SH3GL1: variants seen among roughly 807,000 people sequenced by gnomAD.
SH3GL1 encodes the protein endophilin-A2.
SH3GL1 carries 21 observed loss-of-function variants against 48.8 expected under a neutral mutation model. The ratio of observed to expected loss-of-function variants is 0.43; its 90% confidence interval spans 0.30 to 0.62. The LOEUF is 0.62. Ranked by LOEUF, SH3GL1 falls within the 20% of genes least tolerant of loss-of-function variation. The pLI, the probability that SH3GL1 is intolerant of heterozygous loss-of-function variation, is 0.11. For missense variants in SH3GL1, 454 were observed against 503.0 expected (o/e 0.90, Z 0.93); for synonymous variants, 282 against 217.5 (o/e 1.30, Z -2.61).
At chr19:4,377,777 C>A (rs1599606266) in intron 1 of SH3GL1, among the ~76,000 whole-genome samples, 1 of 152,340 alleles carries the variant, frequency 6.6e-6, no homozygotes, top group Non-Finnish European at 1.5e-5. Flanking sequence ...TGGTGGAAAC[C>A]CGGGCTGGGA....
chr19:4,362,891 T>G (rs1972662967), intron 7 of SH3GL1, among the ~76,000 whole-genome samples, 155 bp from the exon 8 acceptor site: 2 of 152,136 alleles, frequency 1.3e-5, no homozygotes, highest in African/African-American at 2.4e-5. Context: ...ACAGCTAGAC[T>G]GGGATGTCTA....
chr19:4,397,638 C>G (rs1427796938), intron 1 of SH3GL1, among the ~76,000 whole-genome samples: 1 of 152,194 alleles, frequency 6.6e-6, no homozygotes, highest in Non-Finnish European at 1.5e-5. Context: ...TCTAACCAAG[C>G]AGGTGAAGGT....
intron 5 of SH3GL1, 79 bp downstream of exon 5, chr19:4,364,009 G>C (rs762657527): frequency 5.6e-6 from 9 of 1,606,150 alleles, no homozygotes; most frequent in Non-Finnish European, 7.7e-6. Flanking sequence ...GCCGAGGCTG[G>C]AGGTGAGGGT....
chr19:4,382,930 T>C (rs1973165026), intron 1 of SH3GL1, among the ~76,000 whole-genome samples: 1 of 152,148 alleles, frequency 6.6e-6, no homozygotes, highest in African/African-American at 2.4e-5. Flanking sequence ...TTTCATTTTT[T>C]CTTTTTGAGA....
intron 1 of SH3GL1, among the ~76,000 whole-genome samples, chr19:4,396,489 C>CTT (rs979250907): frequency 6.8e-6 from 1 of 146,544 alleles, no homozygotes; most frequent in African/African-American, 2.5e-5. Context: ...TTATATTTTA[C>CTT]TTTTTTTTTT....
intron 1 of SH3GL1, among the ~76,000 whole-genome samples, chr19:4,371,989 T>C (rs180696880): frequency 1.3e-5 from 2 of 152,316 alleles, no homozygotes; most frequent in African/African-American, 4.8e-5. Flanking sequence ...TTTTTTTTTC[T>C]TTTTAAAGAG....
rs1973014718 is a variant in SH3GL1, at chr19:4,376,640, C to A, written c.46-9646G>T. 6.6e-6 allele frequency among the ~76,000 whole-genome samples: 1 copy of A among 152,076 alleles called. No individual in the cohort carries two copies. The highest frequency in any genetic ancestry group is 2.1e-4 in the South Asian group (1 of 4,826). On this transcript the variant is annotated intron_variant, in intron 1 of 9. Coordinates refer to ENST00000269886, the MANE Select transcript of SH3GL1 (RefSeq NM_003025.4). This position sits in a 1 kb window ranked among gnomAD's most constrained non-coding sequence, Gnocchi z 4.3. ...ACCCCCATCTGCCTGGGCGGCCCCC[C>A]CATCTCCCCTCAGAGCTTTTGCTCT...
Position 4,362,646 on chromosome 19 carries a change from C to T in SH3GL1, c.819G>A (p.Gly273=), listed in dbSNP as rs372824159. ...TGGGGGCTGTGGTGCAGGGGAAGCC[C>T]CCGTTGGACTGCTCAGGCTCTCCAA... is the stretch of plus-strand genomic sequence containing the variant. The part of the protein sequence containing the change: ...FDLGEPEQSN[G]GFPCTTAPKI... Residue 273 remains glycine (G), a synonymous_variant, in exon 8 of 10, where the codon GGG becomes GGA. Coordinates refer to ENST00000269886, the MANE Select transcript of SH3GL1 (RefSeq NM_003025.4). 33 of 1,613,898 alleles carry T rather than the reference C, an allele frequency of 2.0e-5. No individual in the cohort carries two copies. The highest frequency in any genetic ancestry group is 7.7e-5 in the South Asian group (7 of 91,082).
At chr19:4,377,902 C>CGT (rs956780957) in intron 1 of SH3GL1, among the ~76,000 whole-genome samples, 53 of 152,344 alleles carry the variant, frequency 3.5e-4, no homozygotes, top group African/African-American at 1.2e-3. Context: ...TGAAGACTCG[C>CGT]GTTTGGGTCC....
chr19:4,395,994 C>A (rs1400916399), intron 1 of SH3GL1: 1 of 151,954 alleles, frequency 6.6e-6, no homozygotes, highest in Non-Finnish European at 1.5e-5. Context: ...TATGGTGGAT[C>A]TAGCTCCCCC....
intron 1 of SH3GL1, among the ~76,000 whole-genome samples, chr19:4,379,823 GCTTA>G (rs1357401236): frequency 6.6e-6 from 1 of 152,174 alleles, no homozygotes; most frequent in Admixed American, 6.5e-5. Context: ...TCTGCCTTGT[GCTTA>G]CTTGTATTTT....
intron 9 of SH3GL1, 128 bp downstream of exon 9, chr19:4,362,201 C>T (rs1036674129): frequency 1.1e-5 from 11 of 963,472 alleles, no homozygotes; most frequent in Admixed American, 8.0e-5. Flanking sequence ...GGCCTGTGCC[C>T]CCTACTGCTG....
chr19:4,369,936 A>T (rs1461242545), intron 1 of SH3GL1, among the ~76,000 whole-genome samples: 1 of 152,242 alleles, frequency 6.6e-6, no homozygotes, highest in African/African-American at 2.4e-5. Context: ...GAAACACGGG[A>T]AAAGCAAGGC....
Position 4,362,337 on chromosome 19 carries a change from C to T in SH3GL1, c.902G>A (p.Arg301Gln), listed in dbSNP as rs539311717. ...GGCCTGGGAACACTCACGCATGCTC[C>T]GGCTAGGGGTCCGGATGGGCTTGTC... Reference protein sequence around the residue: ...SSDKPIRTPSRSMPPLDQPSC... With the variant: ...SSDKPIRTPSQSMPPLDQPSC... Residue 301 changes from arginine (R) to glutamine (Q), a missense_variant, in exon 9 of 10, where the codon CGG (arginine) becomes CAG (glutamine). This residue lies in a region of SH3GL1 where 278 missense variants were observed against 246.8 expected (regional missense o/e 1.13). Coordinates refer to ENST00000269886, the MANE Select transcript of SH3GL1 (RefSeq NM_003025.4). 37 of 1,611,920 alleles carry T rather than the reference C, an allele frequency of 2.3e-5. No individual in the cohort carries two copies. Among genetic ancestry groups the T allele is most frequent in the South Asian group, 1.4e-4 (13 of 90,618 alleles).
At chr19:4,396,395 G>C (rs934540473) in intron 1 of SH3GL1, among the ~76,000 whole-genome samples, 1 of 152,210 alleles carries the variant, frequency 6.6e-6, no homozygotes, top group East Asian at 1.9e-4. Flanking sequence ...GAGAAGCTCC[G>C]TCTCAAAAAC....
chr19:4,363,972 C>T (rs1000997731), intron 5 of SH3GL1, 94 bp from the exon 6 acceptor site: 12 of 1,602,068 alleles, frequency 7.5e-6, no homozygotes, highest in Non-Finnish European at 1.0e-5. Flanking sequence ...ACTGGGGATC[C>T]TGCCTGCCTG....
In SH3GL1 at chr19:4,389,822, C is replaced by T. The variant is rs1043210595; in HGVS notation, c.45+10502G>A. ...CAATGGGCTCATATTCCAGTGGCAA[C>T]GGCAATGGAATAATCACTCCCATTG... On this transcript the variant is annotated intron_variant, in intron 1 of 9. Transcript: ENST00000269886. The surrounding 1 kb of genome is among the most constrained non-coding windows in gnomAD (Gnocchi z 4.5). Among the ~76,000 whole-genome samples, 2 of 152,222 alleles carry T rather than the reference C, an allele frequency of 1.3e-5. No homozygotes were observed. Among genetic ancestry groups the T allele is most frequent in the Non-Finnish European group, 2.9e-5 (2 of 68,038 alleles).
At chr19:4,384,254 T>C (rs1973192759) in intron 1 of SH3GL1, among the ~76,000 whole-genome samples, 1 of 152,166 alleles carries the variant, frequency 6.6e-6, no homozygotes, top group Admixed American at 6.5e-5. Context: ...CCCCAGTTCA[T>C]CCCGCTCCGG....
intron 1 of SH3GL1, among the ~76,000 whole-genome samples, chr19:4,381,111 G>A (rs1568416677): frequency 1.2e-5 from 1 of 84,472 alleles, no homozygotes; most frequent in African/African-American, 5.5e-5. Flanking sequence ...CTTTGCCTCT[G>A]TCCCCCTGCC....
Sources: gnomAD v4.1 joint callset for allele counts (sites outside exome capture counted in the v4.1 genomes callset) on GRCh38, gnomAD v4.1.1 for gene constraint, gnomAD v4.1.1 regional missense constraint, Gnocchi (gnomAD v3.1) non-coding constraint, MANE v1.5 for transcripts, NCBI Gene and HGNC (gene_info 2026-07-23, HGNC 2026-07-21) for gene names.